The following MTOR variants were observed in gnomAD, a reference collection of about 807,000 sequenced individuals.
MTOR encodes the protein serine/threonine-protein kinase mTOR.
In MTOR, 70 loss-of-function variants were observed where a neutral mutation model predicts 319.8. The ratio of observed to expected loss-of-function variants is 0.22; its 90% CI spans 0.18 to 0.27. The LOEUF is 0.27. Ranked by LOEUF, MTOR falls within the 10% of genes least tolerant of loss-of-function variation. The pLI is 1.00. For synonymous variants in MTOR, 1,183 were observed against 1,211.4 expected, an observed-to-expected ratio of 0.98 and a Z score of 0.49; for missense variants, 1,890 against 3,274.4, an observed-to-expected ratio of 0.58 and a Z score of 10.32.
chr1:11,210,008 C>T (rs963859683), intron 24 of MTOR, among the ~76,000 whole-genome samples: 11 of 152,130 alleles, frequency 7.2e-5, no homozygotes, highest in African/African-American at 2.7e-4. Context: ...GTTGGGACTA[C>T]AGGTGCACAC....
At chr1:11,249,595 T>C (rs1433559039) in intron 6 of MTOR, among the ~76,000 whole-genome samples, 35 of 140,998 alleles carry the variant, frequency 2.5e-4, no homozygotes, top group African/African-American at 8.4e-4. Flanking sequence ...CCCTGGGTAC[T>C]TGAGATTAGG....
At chr1:11,203,904 T>G (rs116405291) in intron 26 of MTOR, among the ~76,000 whole-genome samples, 2,665 of 152,290 alleles carry the variant, frequency 0.017, 77 homozygotes, top group African/African-American at 0.061. Context: ...AAAAACACCA[T>G]GCTCTTCTAC....
intron 31 of MTOR, among the ~76,000 whole-genome samples, chr1:11,147,985 T>C (rs577330468): frequency 9.2e-5 from 14 of 152,318 alleles, no homozygotes; most frequent in African/African-American, 2.6e-4. Context: ...TGAAAATGTT[T>C]GTAATTGCTG....
intron 29 of MTOR, among the ~76,000 whole-genome samples, chr1:11,160,075 C>CATTTATTTATTTATTTATTTATTT (rs70977549): frequency 1.4e-5 from 2 of 143,338 alleles, no homozygotes. Context: ...TCAATTATAG[C>CATTTATTTATTTATTTATTTATTT]ATTTATTTAT....
chr1:11,127,480 C>A lies in MTOR; in HGVS notation c.6216+144G>T. 5 of 974,466 alleles carry A rather than the reference C, an allele frequency of 5.1e-6. No individual in the cohort carries two copies. The South Asian group carries it at 9.1e-5, about 18-fold the overall frequency. 60.4% of individuals were successfully genotyped at this position (974,466 alleles called of 1,614,324 possible). ...CCATCAGAGCTCGTTTTATTAAAGTCAGTGGAAAGGCCAGAGGAAAAGAAA... is the reference window on the plus strand; with the variant it reads ...CCATCAGAGCTCGTTTTATTAAAGTAAGTGGAAAGGCCAGAGGAAAAGAAA... On this transcript the variant is annotated intron_variant, in intron 44 of 57. Coordinates refer to ENST00000361445, the MANE Select transcript of MTOR (RefSeq NM_004958.4). The surrounding 1 kb of genome is among the most constrained non-coding windows in gnomAD (Gnocchi z 5.5).
chr1:11,205,271 G>A (rs77096695), intron 25 of MTOR, among the ~76,000 whole-genome samples: 4,538 of 152,216 alleles, frequency 0.03, 172 homozygotes, highest in Admixed American at 0.071. Flanking sequence ...GTTACTACCA[G>A]GGGCAGCTTA....
intron 29 of MTOR, among the ~76,000 whole-genome samples, chr1:11,162,767 A>G (rs1644516655): frequency 6.6e-6 from 1 of 152,192 alleles, no homozygotes; most frequent in Admixed American, 6.5e-5. Context: ...CCTGCCTTAC[A>G]AGAGCTCCTG....
At chr1:11,251,196 T>TC (rs1649626803) in intron 6 of MTOR, among the ~76,000 whole-genome samples, 1 of 152,050 alleles carries the variant, frequency 6.6e-6, no homozygotes, top group East Asian at 1.9e-4. Context: ...TGACCCCATA[T>TC]CCCCACACAC....
chr1:11,137,559 GA>G (rs1643489138), intron 36 of MTOR, among the ~76,000 whole-genome samples: 1 of 152,184 alleles, frequency 6.6e-6, no homozygotes, highest in African/African-American at 2.4e-5. Flanking sequence ...TGAAAAAAGG[GA>G]AAAGTGATTC....
At chr1:11,184,860 C>T (rs1017094838) in intron 28 of MTOR, among the ~76,000 whole-genome samples, 5 of 152,340 alleles carry the variant, frequency 3.3e-5, no homozygotes, top group Admixed American at 2.0e-4. Flanking sequence ...TACAGAGGAT[C>T]AGTCCCGCTC....
intron 32 of MTOR, 63 bp downstream of exon 32, chr1:11,146,613 G>A (rs7544762): frequency 2.1e-5 from 27 of 1,278,842 alleles, no homozygotes; most frequent in South Asian, 4.8e-5. Context: ...CCAAAGCACC[G>A]TGGGCTTAGA....
At chr1:11,239,323 G>A (rs1647660708) in intron 11 of MTOR, among the ~76,000 whole-genome samples, 2 of 152,132 alleles carry the variant, frequency 1.3e-5, no homozygotes, top group African/African-American at 4.8e-5. Context: ...CAAAGAGTCT[G>A]TGTAGGCTGG....
intron 26 of MTOR, among the ~76,000 whole-genome samples, chr1:11,204,144 G>A (rs1219930657): frequency 6.6e-6 from 1 of 152,190 alleles, no homozygotes; most frequent in Non-Finnish European, 1.5e-5. Context: ...GAGCAGAGGC[G>A]AGCTGTCCCA....
At position 11,128,626 on chromosome 1, in the gene MTOR, A is replaced by T. The variant is rs1642967415; in HGVS notation, c.5812-74T>A. On this transcript the variant is annotated intron_variant, in intron 41 of 57. Transcript: ENST00000361445. The surrounding 1 kb of genome is among the most constrained non-coding windows in gnomAD (Gnocchi z 5.3). ...TAGTTATTCTTCTAGGCAAAGATCA[A>T]TTCTTTTAACTTGTTTCGGTTGATG... The T allele has an allele frequency of 7.0e-7, 1 of 1,434,036 alleles. No individual in the cohort carries two copies. Among genetic ancestry groups the T allele is most frequent in the Non-Finnish European group, 9.8e-7 (1 of 1,020,570 alleles). The allele number at this position is 1,434,036 out of a possible 1,614,324, so 88.8% of individuals were successfully genotyped here. A position where few individuals can be genotyped will look rare whatever the true frequency, so the allele number is the denominator to read the frequency against.
intron 10 of MTOR, 129 bp from the exon 11 acceptor site, chr1:11,240,676 A>C: frequency 8.4e-7 from 1 of 1,197,036 alleles, no homozygotes; most frequent in Non-Finnish European, 1.1e-6. Flanking sequence ...GGATATTATA[A>C]AATAAGAATA....
At chr1:11,114,186 G>C in intron 53 of MTOR, 132 bp downstream of exon 53, 8 of 1,047,072 alleles carry the variant, frequency 7.6e-6, no homozygotes, top group Non-Finnish European at 1.1e-5. Flanking sequence ...TGCAGAAAGG[G>C]GTCTTACTAT....
chr1:11,159,318 G>A (rs1016518166), intron 29 of MTOR, among the ~76,000 whole-genome samples: 1 of 152,112 alleles, frequency 6.6e-6, no homozygotes, highest in African/African-American at 2.4e-5. Flanking sequence ...CCATCATCTG[G>A]AGAAATGCTG....
chr1:11,185,977 G>A (rs1009467078), intron 28 of MTOR, among the ~76,000 whole-genome samples: 1 of 151,744 alleles, frequency 6.6e-6, no homozygotes, highest in Middle Eastern at 3.4e-3. Flanking sequence ...AGCTACTTGG[G>A]AGGCTGAGGC....
intron 54 of MTOR, among the ~76,000 whole-genome samples, chr1:11,110,671 T>C (rs1052956893): frequency 6.6e-6 from 1 of 152,108 alleles, no homozygotes; most frequent in Non-Finnish European, 1.5e-5. Flanking sequence ...ACTGGGATTA[T>C]AGGCATGAAC....
Sources: gnomAD v4.1 joint callset for allele counts (sites outside exome capture counted in the v4.1 genomes callset) on GRCh38, gnomAD v4.1.1 for gene constraint, Gnocchi (gnomAD v3.1) non-coding constraint, MANE v1.5 for transcripts, NCBI Gene and HGNC (gene_info 2026-07-23, HGNC 2026-07-21) for gene names.